HTR2A: variants seen among roughly 807,000 people sequenced by gnomAD.
HTR2A encodes 5-hydroxytryptamine receptor 2A, also known as 5-HT2 receptor.
Under a neutral mutation model 31.0 loss-of-function variants are expected in HTR2A, and 14 were observed. That is an observed-to-expected ratio of 0.45 (90% CI 0.30 to 0.71). The LOEUF is 0.71. Among genes scored for constraint, HTR2A ranks in the 30% least tolerant of loss-of-function variants. HTR2A has a pLI of 0.09. For synonymous variants in HTR2A, 209 were observed against 225.2 expected (o/e 0.93, Z 0.64); for missense variants, 442 against 573.3 (o/e 0.77, Z 2.34).
At chr13:46,852,864 T>A (rs2770299) in intron 3 of HTR2A, among the ~76,000 whole-genome samples, 29 of 152,326 alleles carry the variant, frequency 1.9e-4, no homozygotes, top group Admixed American at 1.7e-3. Flanking sequence ...TGGTGGAAAA[T>A]GAACACCTTA....
At chr13:46,871,958 C>T (rs985018700) in intron 3 of HTR2A, among the ~76,000 whole-genome samples, 1 of 152,132 alleles carries the variant, frequency 6.6e-6, no homozygotes, top group African/African-American at 2.4e-5. Flanking sequence ...CAGAAGAGTG[C>T]CAGGGAAATT....
intron 3 of HTR2A, among the ~76,000 whole-genome samples, chr13:46,839,381 T>C (rs77546680): frequency 7.9e-5 from 12 of 152,222 alleles, no homozygotes; most frequent in African/African-American, 2.6e-4. Context: ...TTAGAACACA[T>C]AGATAGGCTT....
chr13:46,882,068 A>G (rs1390483235), intron 3 of HTR2A, among the ~76,000 whole-genome samples: 1 of 152,120 alleles, frequency 6.6e-6, no homozygotes, highest in Non-Finnish European at 1.5e-5. Flanking sequence ...TCATAAAAAA[A>G]GAAGTAAAAA....
chr13:46,896,314 C>G, intron 1 of HTR2A, 80 bp from the exon 2 acceptor site: 1 of 797,304 alleles, frequency 1.3e-6, no homozygotes, highest in Non-Finnish European at 1.6e-6. Context: ...GCCGATGGTA[C>G]TAGTTTAGCA....
At chr13:46,844,487 G>T (rs1201179370) in intron 3 of HTR2A, among the ~76,000 whole-genome samples, 1 of 152,116 alleles carries the variant, frequency 6.6e-6, no homozygotes, top group East Asian at 1.9e-4. Flanking sequence ...TTTAAGGGAG[G>T]CACATATAGG....
chr13:46,835,495 G>A lies in HTR2A; in HGVS notation c.758C>T (p.Thr253Ile). ...FFIPLTIMVI[T>I]YFLTIKSLQK... ...GAGTGACTTGATAGTTAGAAAGTAGGTGATCACCATGATGGTTAAGGGAAT... is the reference window on the plus strand; with the variant it reads ...GAGTGACTTGATAGTTAGAAAGTAGATGATCACCATGATGGTTAAGGGAAT... Residue 253 changes from threonine (T) to isoleucine (I), a missense_variant, in exon 4 of 4, where the codon ACC becomes ATC. This residue lies in a region of HTR2A where 174 missense variants were observed against 195.1 expected (regional missense o/e 0.89). Coordinates refer to ENST00000542664, the MANE Select transcript of HTR2A (RefSeq NM_000621.5). The A allele has an allele frequency of 6.2e-7, 1 of 1,614,022 alleles. No individual in the cohort carries two copies. Among genetic ancestry groups the A allele is most frequent in the Non-Finnish European group, 8.5e-7 (1 of 1,179,964 alleles).
At chr13:46,883,984 A>T (rs1053185566) in intron 3 of HTR2A, among the ~76,000 whole-genome samples, 1 of 152,228 alleles carries the variant, frequency 6.6e-6, no homozygotes, top group East Asian at 1.9e-4. Flanking sequence ...TTTCAGGAGT[A>T]CTGAGTGCAG....
chr13:46,855,065 C>T (rs970005444), intron 3 of HTR2A, among the ~76,000 whole-genome samples: 7 of 152,226 alleles, frequency 4.6e-5, no homozygotes, highest in South Asian at 2.1e-4. Flanking sequence ...TGACTAATGT[C>T]CCCCCAGAGC....
intron 3 of HTR2A, among the ~76,000 whole-genome samples, chr13:46,841,037 G>C (rs139285677): frequency 1.2e-4 from 18 of 152,232 alleles, no homozygotes; most frequent in Admixed American, 3.3e-4. Context: ...CACGAGATCT[G>C]ATGGTTTTAT....
At chr13:46,890,034 A>G (rs1344489853) in intron 3 of HTR2A, among the ~76,000 whole-genome samples, 1 of 152,174 alleles carries the variant, frequency 6.6e-6, no homozygotes, top group East Asian at 1.9e-4. Context: ...CCAAACACAT[A>G]GTAGATGCAC....
intron 3 of HTR2A, among the ~76,000 whole-genome samples, chr13:46,881,088 C>T (rs1950958122): frequency 6.6e-6 from 1 of 152,202 alleles, no homozygotes; most frequent in African/African-American, 2.4e-5. Flanking sequence ...TCCCGAAGGA[C>T]AACCGAGGAC....
intron 3 of HTR2A, among the ~76,000 whole-genome samples, chr13:46,874,815 G>A (rs895594485): frequency 3.3e-5 from 5 of 152,330 alleles, no homozygotes; most frequent in Middle Eastern, 3.4e-3. Context: ...AAGGAACCTC[G>A]TTTCCTTTGA....
At chr13:46,855,360 T>C (rs1419955312) in intron 3 of HTR2A, among the ~76,000 whole-genome samples, 1 of 152,184 alleles carries the variant, frequency 6.6e-6, no homozygotes, top group Non-Finnish European at 1.5e-5. Flanking sequence ...ATGTAACCAC[T>C]ATGACCTTCA....
chr13:46,897,727 A>G (rs891586885), upstream of HTR2A, among the ~76,000 whole-genome samples: 1 of 152,184 alleles, frequency 6.6e-6, no homozygotes, highest in African/African-American at 2.4e-5. Context: ...CTACAGTTCT[A>G]TCACCTTCTG....
chr13:46,886,549 A>G (rs1936463645), intron 3 of HTR2A, among the ~76,000 whole-genome samples: 1 of 152,198 alleles, frequency 6.6e-6, no homozygotes, highest in African/African-American at 2.4e-5. Flanking sequence ...TAAAAATGAA[A>G]AGGTGAGAAA....
At chr13:46,868,159 C>T (rs574168821) in intron 3 of HTR2A, among the ~76,000 whole-genome samples, 1 of 152,304 alleles carries the variant, frequency 6.6e-6, no homozygotes, top group Non-Finnish European at 1.5e-5. Flanking sequence ...AATACCTTTT[C>T]CCTAGAAAGG....
intron 3 of HTR2A, among the ~76,000 whole-genome samples, chr13:46,881,486 A>G (rs1396275383): frequency 1.3e-5 from 2 of 152,240 alleles, no homozygotes; most frequent in Non-Finnish European, 2.9e-5. Flanking sequence ...TGGCAGGAAC[A>G]AAAATAAAGA....
chr13:46,879,956 G>C (rs557707193), intron 3 of HTR2A, among the ~76,000 whole-genome samples: 1 of 152,126 alleles, frequency 6.6e-6, no homozygotes, highest in East Asian at 1.9e-4. Flanking sequence ...AGTGAGCCAT[G>C]ATCACACCCC....
At chr13:46,887,157 T>C (rs1486711192) in intron 3 of HTR2A, among the ~76,000 whole-genome samples, 1 of 152,102 alleles carries the variant, frequency 6.6e-6, no homozygotes, top group Non-Finnish European at 1.5e-5. Context: ...CAGTGGCTCA[T>C]GCCTGTAATC....
Sources: allele counts gnomAD v4.1 joint callset (sites outside exome capture counted in the v4.1 genomes callset), GRCh38; gene constraint gnomAD v4.1.1; regional missense constraint gnomAD v4.1.1; transcripts MANE v1.5; gene names NCBI Gene and HGNC (gene_info 2026-07-23, HGNC 2026-07-21).